Variants in EFCAB8 observed in about 807,000 individuals in gnomAD.
EFCAB8 encodes EF-hand calcium binding domain 8.
A neutral mutation model predicts 116.3 loss-of-function variants in EFCAB8; 100 were observed. The observed-to-expected ratio is 0.86, with a 90% CI of 0.73 to 1.02. The LOEUF (loss-of-function observed/expected upper bound fraction) is 1.02, where lower values mean the gene tolerates loss of function less well. Among genes scored for constraint, EFCAB8 ranks in the 50% least tolerant of loss-of-function variants. EFCAB8 has a pLI of 0.00. For synonymous variants in EFCAB8, 558 were observed against 567.9 expected (o/e 0.98, Z 0.25); for missense variants, 1,320 against 1,416.9 (o/e 0.93, Z 1.10).
intron 18 of EFCAB8, 131 bp downstream of exon 18, chr20:32,917,636 G>A: frequency 9.5e-7 from 1 of 1,048,724 alleles, no homozygotes; most frequent in Non-Finnish European, 1.4e-6. Context: ...GATGGGGTGG[G>A]GAGCTTGGTT....
intron 23 of EFCAB8, among the ~76,000 whole-genome samples, chr20:32,954,054 C>T (rs35358527): frequency 0.3 from 46,017 of 152,004 alleles, 7,484 homozygotes; most frequent in African/African-American, 0.34. Context: ...GATACACCTG[C>T]CTCAGCCTCC....
chr20:32,919,896 A>G (rs1239499306), intron 19 of EFCAB8, among the ~76,000 whole-genome samples, 182 bp from the exon 20 acceptor site: 1 of 152,116 alleles, frequency 6.6e-6, no homozygotes, highest in Non-Finnish European at 1.5e-5. Flanking sequence ...TGCTCTAGCA[A>G]AATTGCTGGG....
chr20:32,878,760 G>A lies in EFCAB8; in HGVS notation c.384G>A (p.Lys128=). ...TCCAGGGAAAAGAGGACATGCGAAA[G>A]AGCCAGTACCGCCTGCACTTCTACC... is the stretch of plus-strand genomic sequence containing the variant. ...REFQGKEDMR[K]SQYRLHFYLP... is the part of the protein sequence containing the mutation. Residue 128 remains lysine (K), a synonymous_variant, in exon 5 of 27, where the codon AAG becomes AAA. Coordinates refer to ENST00000400522, the MANE Select transcript of EFCAB8 (RefSeq NM_001143967.2). 3 of 1,552,104 alleles carry A rather than the reference G, an allele frequency of 1.9e-6. 1 individual carries two copies. Among genetic ancestry groups the A allele is most frequent in the Non-Finnish European group, 2.6e-6 (3 of 1,147,084 alleles).
intron 20 of EFCAB8, among the ~76,000 whole-genome samples, chr20:32,923,955 C>A (rs963361132): frequency 6.6e-6 from 1 of 152,200 alleles, no homozygotes; most frequent in Non-Finnish European, 1.5e-5. Flanking sequence ...GAAACATACT[C>A]CTGGAAAGCT....
At chr20:32,898,158 G>A (rs1394362681) in intron 10 of EFCAB8, among the ~76,000 whole-genome samples, 1 of 152,246 alleles carries the variant, frequency 6.6e-6, no homozygotes, top group Non-Finnish European at 1.5e-5. Context: ...TGGATAACTA[G>A]ATTGTGGCCT....
At chr20:32,955,229 C>G (rs1275150941) in intron 23 of EFCAB8, among the ~76,000 whole-genome samples, 2 of 152,152 alleles carry the variant, frequency 1.3e-5, no homozygotes, top group Non-Finnish European at 2.9e-5. Context: ...AGAATGGCTC[C>G]TCCAAGTGCA....
chr20:32,860,153 C>G (rs369915968), intron 1 of EFCAB8, among the ~76,000 whole-genome samples: 1 of 152,114 alleles, frequency 6.6e-6, no homozygotes, highest in Non-Finnish European at 1.5e-5. Context: ...ACTAAAAATA[C>G]GAAAGTTAGC....
chr20:32,893,128 A>G (rs1199246364), intron 8 of EFCAB8, 46 bp from the exon 9 acceptor site: 12 of 1,550,100 alleles, frequency 7.7e-6, no homozygotes, highest in Non-Finnish European at 1.0e-5. Context: ...GGTGTGAGCC[A>G]CCGCGCCCAG....
intron 20 of EFCAB8, among the ~76,000 whole-genome samples, chr20:32,924,140 A>G (rs1288123172): frequency 2.0e-5 from 3 of 152,110 alleles, no homozygotes; most frequent in Non-Finnish European, 4.4e-5. Context: ...TGTAGCCTCC[A>G]CTTCCCAGGC....
intron 3 of EFCAB8, among the ~76,000 whole-genome samples, chr20:32,870,334 G>A (rs1180133134): frequency 6.6e-6 from 1 of 152,116 alleles, no homozygotes; most frequent in Non-Finnish European, 1.5e-5. Context: ...GTTTTGAATA[G>A]GTAATATACC....
intron 22 of EFCAB8, among the ~76,000 whole-genome samples, chr20:32,935,194 T>TTTTTTTTTTTTTTTTTTTTTTTTTTTTG: frequency 1.1e-5 from 1 of 95,206 alleles, no homozygotes; most frequent in Non-Finnish European, 1.9e-5. Flanking sequence ...CTTTCTTTCT[T>TTTTTTTTTTTTTTTTTTTTTTTTTTTTG]TTTTTTTTTT....
intron 5 of EFCAB8, among the ~76,000 whole-genome samples, chr20:32,880,352 T>C (rs1419318546): frequency 6.6e-6 from 1 of 151,290 alleles, no homozygotes; most frequent in Admixed American, 6.6e-5. Flanking sequence ...CACTGCAACC[T>C]CCGCCCCCCG....
intron 26 of EFCAB8, among the ~76,000 whole-genome samples, chr20:32,960,845 GTC>G (rs771952574): frequency 3.3e-5 from 5 of 152,242 alleles, no homozygotes; most frequent in East Asian, 1.9e-4. Context: ...CTCACCCAGG[GTC>G]CAGCTCGAGG....
At chr20:32,885,271 G>A (rs1242870383) in intron 5 of EFCAB8, among the ~76,000 whole-genome samples, 4 of 152,152 alleles carry the variant, frequency 2.6e-5, no homozygotes, top group African/African-American at 4.8e-5. Context: ...CTGGAGCCCC[G>A]CCTCATATCA....
chr20:32,876,737 G>T (rs376844311), intron 4 of EFCAB8, among the ~76,000 whole-genome samples: 12 of 152,078 alleles, frequency 7.9e-5, no homozygotes, highest in African/African-American at 2.9e-4. Context: ...GAGGCCAAGG[G>T]GGGTGGATCG....
At chr20:32,911,754 C>A in intron 16 of EFCAB8, 47 bp downstream of exon 16, 1 of 1,516,772 alleles carries the variant, frequency 6.6e-7, no homozygotes, top group Non-Finnish European at 9.0e-7. Context: ...TCTTGGGAAG[C>A]AAAGCACAGC....
intron 3 of EFCAB8, among the ~76,000 whole-genome samples, chr20:32,869,338 C>T (rs1230140487): frequency 2.0e-5 from 3 of 151,882 alleles, no homozygotes; most frequent in African/African-American, 7.3e-5. Flanking sequence ...CTGGTTCAAG[C>T]GATTCTCCTG....
chr20:32,961,291 G>C lies in EFCAB8; in HGVS notation c.3549G>C (p.Gln1183His). 6.5e-7 allele frequency: 1 copy of C among 1,547,586 alleles called. No homozygotes were observed. Among genetic ancestry groups the C allele is most frequent in the Non-Finnish European group, 8.7e-7 (1 of 1,144,976 alleles). ...VQKDLVPSRE[Q>H]AVLDTTDSTP... ...AGGACCTGGTGCCCAGCAGGGAGCA[G>C]GCTGTGCTGGATACCACGGACAGCA... is the stretch of plus-strand genomic sequence containing the variant. The change falls in exon 27 of 27, where the codon CAG becomes CAC. Residue 1183 changes from glutamine (Q) to histidine (H), a missense_variant. Transcript: ENST00000400522.
chr20:32,925,125 A>G (rs1486607253), intron 20 of EFCAB8, among the ~76,000 whole-genome samples: 1 of 152,186 alleles, frequency 6.6e-6, no homozygotes, highest in African/African-American at 2.4e-5. Context: ...GCCATCCCAG[A>G]AGACTGTGAG....
Sources: allele counts gnomAD v4.1 joint callset (sites outside exome capture counted in the v4.1 genomes callset), GRCh38; gene constraint gnomAD v4.1.1; transcripts MANE v1.5; gene names NCBI Gene and HGNC (gene_info 2026-07-23, HGNC 2026-07-21).